The following PCDHGA5 variants were observed in gnomAD, a reference collection of about 807,000 sequenced individuals.
PCDHGA5 encodes protocadherin gamma-A5.
A neutral mutation model predicts 56.7 loss-of-function variants in PCDHGA5; 36 were observed. The ratio of observed to expected loss-of-function variants is 0.64; its 90% CI spans 0.49 to 0.84. PCDHGA5 has a LOEUF of 0.84. PCDHGA5 is among the 40% of genes least tolerant of loss of function. The pLI is 0.00. For missense variants in PCDHGA5, 1,305 were observed against 1,201.5 expected (o/e 1.09, Z -1.27); for synonymous variants, 563 against 520.2 (o/e 1.08, Z -1.12).
chr5:141,376,263 C>T (rs1348716434), intron 1 of PCDHGA5: 1 of 1,614,226 alleles, frequency 6.2e-7, no homozygotes, highest in South Asian at 1.1e-5. Flanking sequence ...CTGCTGCAGG[C>T]TTCGGGAGGT....
intron 1 of PCDHGA5, chr5:141,415,222 G>C (rs2095844564): frequency 1.2e-6 from 2 of 1,613,990 alleles, no homozygotes; most frequent in African/African-American, 2.7e-5. Context: ...CGGCAGCTTC[G>C]AGTCTCCAGC....
chr5:141,434,277 A>G (rs760937958), intron 1 of PCDHGA5, among the ~76,000 whole-genome samples: 4 of 152,172 alleles, frequency 2.6e-5, no homozygotes, highest in Non-Finnish European at 4.4e-5. Flanking sequence ...AATTAGAGGT[A>G]TTCTCTGTTT....
chr5:141,385,424 C>CT, intron 1 of PCDHGA5: 1 of 1,461,926 alleles, frequency 6.8e-7, no homozygotes, highest in Admixed American at 2.8e-5. Flanking sequence ...ATTTAAAAAA[C>CT]TTTATAGAGG....
intron 1 of PCDHGA5, among the ~76,000 whole-genome samples, chr5:141,437,421 T>G (rs971034611): frequency 1.2e-4 from 19 of 152,238 alleles, no homozygotes; most frequent in African/African-American, 4.6e-4. Flanking sequence ...TTATGCTTTT[T>G]GAAGCAGCAA....
intron 1 of PCDHGA5, chr5:141,410,439 G>A (rs775594110): frequency 3.1e-6 from 5 of 1,614,006 alleles, no homozygotes; most frequent in Admixed American, 3.3e-5. Context: ...TACAGTGAGG[G>A]GACTTTGCCT....
In PCDHGA5 at chr5:141,365,067, A is replaced by G; in HGVS notation, c.737A>G (p.Glu246Gly). ...AATGCGCCCCTGTTCACCCCATCCG[A>G]GTACAGCGTGAGTGTTCCAGAGAAC... The part of the protein sequence containing the change: ...NDNAPLFTPS[E>G]YSVSVPENIP... Residue 246 changes from glutamate (E) to glycine (G), a missense_variant, in exon 1 of 4, where the codon GAG becomes GGG. Transcript: ENST00000518069. The G allele has an allele frequency of 6.2e-7, 1 of 1,613,826 alleles. No homozygotes were observed. The highest frequency in any genetic ancestry group is 8.5e-7 in the Non-Finnish European group (1 of 1,179,876).
chr5:141,478,744 T>C, intron 1 of PCDHGA5: 1 of 1,528,172 alleles, frequency 6.5e-7, no homozygotes, highest in Non-Finnish European at 8.8e-7. Flanking sequence ...TGTGGTCCCA[T>C]TTCAGGGGGA....
At position 141,477,742 on chromosome 5, in the gene PCDHGA5, G is replaced by C; in HGVS notation, c.2422-17065G>C. 2 of 1,613,800 alleles carry C rather than the reference G, an allele frequency of 1.2e-6. No individual in the cohort carries two copies. Among genetic ancestry groups the C allele is most frequent in the Non-Finnish European group, 1.7e-6 (2 of 1,180,030 alleles). ...AATTAACAGCTCATATCAGCGATGG[G>C]GGCACCCCGGTCCTAGCCACCAACA... On this transcript the variant is annotated intron_variant, in intron 1 of 3. Coordinates refer to ENST00000518069, the MANE Select transcript of PCDHGA5 (RefSeq NM_018918.3). The surrounding 1 kb of genome is among the most constrained non-coding windows in gnomAD (Gnocchi z 4.9).
At chr5:141,395,807 A>G (rs1561656089) in intron 1 of PCDHGA5, 1 of 152,004 alleles carries the variant, frequency 6.6e-6, no homozygotes, top group Non-Finnish European at 1.5e-5. Context: ...ATCCTTCAAA[A>G]CATGAACAAA....
chr5:141,445,093 A>G (rs987863232), intron 1 of PCDHGA5, among the ~76,000 whole-genome samples: 2 of 152,168 alleles, frequency 1.3e-5, no homozygotes, highest in Non-Finnish European at 2.9e-5. Flanking sequence ...TACATATTTG[A>G]TGTTTTCTAA....
At chr5:141,389,631 G>A (rs1390648430) in intron 1 of PCDHGA5, 15 of 1,612,998 alleles carry the variant, frequency 9.3e-6, no homozygotes, top group African/African-American at 1.3e-5. Flanking sequence ...TGCAGAGCCT[G>A]GCTACTTGGT....
chr5:141,375,790 A>T, intron 1 of PCDHGA5: 1 of 1,614,216 alleles, frequency 6.2e-7, no homozygotes. Context: ...CCCTCCCCAC[A>T]GACGGTTCCA....
In PCDHGA5 at chr5:141,432,184, C is replaced by G; in HGVS notation, c.2422-62623C>G. 1 of 1,614,164 alleles carries G rather than the reference C, an allele frequency of 6.2e-7. No individual in the cohort carries two copies. The highest frequency in any genetic ancestry group is 2.2e-5 in the East Asian group (1 of 44,872). On this transcript the variant is annotated intron_variant, in intron 1 of 3. Coordinates refer to ENST00000518069, the MANE Select transcript of PCDHGA5 (RefSeq NM_018918.3). This position sits in a 1 kb window ranked among gnomAD's most constrained non-coding sequence, Gnocchi z 6.0. Reference sequence around the variant, plus strand: ...GAGGAGTTTCCCTCGTCTCTGTGACCGCCCACGACCCCGACTGTGAAGAGA... The same window carrying G: ...GAGGAGTTTCCCTCGTCTCTGTGACGGCCCACGACCCCGACTGTGAAGAGA...
Position 141,491,324 on chromosome 5 carries a change from T to C in PCDHGA5, c.2422-3483T>C, listed in dbSNP as rs762200164. 16 of 1,614,060 alleles carry C rather than the reference T, an allele frequency of 9.9e-6. No homozygotes were observed. The highest frequency in any genetic ancestry group is 8.3e-5 in the Admixed American group (5 of 60,010). On this transcript the variant is annotated intron_variant, in intron 1 of 3. Transcript: ENST00000518069. This position sits in a 1 kb window ranked among gnomAD's most constrained non-coding sequence, Gnocchi z 6.9. ...CGTTCAGACCTTACCCTTTACCTCA[T>C]TGTGGCTCTAGCGACCGTCAGTCTC...
At chr5:141,421,601 T>C (rs1309928984) in intron 1 of PCDHGA5, 19 of 1,613,652 alleles carry the variant, frequency 1.2e-5, no homozygotes, top group Non-Finnish European at 1.6e-5. Context: ...GTGGAAATAA[T>C]AGATATTAAT....
rs1588595185 is a variant in PCDHGA5 at position 141,364,344 on chromosome 5, C to G, written c.14C>G (p.Pro5Arg). 1 of 1,542,476 alleles carries G rather than the reference C, an allele frequency of 6.5e-7. No homozygotes were observed. The highest frequency in any genetic ancestry group is 8.7e-7 in the Non-Finnish European group (1 of 1,148,452). ...AGAGAGAAGGCAATGGCGAGTCCAC[C>G]TAGGGGCTGGGGCTGCGGAGAGCTG... MASP[P>R]RGWGCGELLL... Residue 5 changes from proline (P) to arginine (R), a missense_variant, in exon 1 of 4, where the codon CCT becomes CGT. Pro to Arg is a moderately radical substitution (Grantham distance 103). Transcript: ENST00000518069.
At chr5:141,380,044 T>G (rs2150154825) in intron 1 of PCDHGA5, among the ~76,000 whole-genome samples, 1 of 151,770 alleles carries the variant, frequency 6.6e-6, no homozygotes, top group African/African-American at 2.4e-5. Context: ...GGATTACAGG[T>G]GCATGCCACC....
rs756761584 is a variant in PCDHGA5 at position 141,476,545 on chromosome 5, G to A, written c.2422-18262G>A. 13 of 1,614,230 alleles carry A rather than the reference G, an allele frequency of 8.1e-6. No homozygotes were observed. The Admixed American group carries it at 2.2e-4, about 27-fold the overall frequency. On this transcript the variant is annotated intron_variant, in intron 1 of 3. Coordinates refer to ENST00000518069, the MANE Select transcript of PCDHGA5 (RefSeq NM_018918.3). This position sits in a 1 kb window ranked among gnomAD's most constrained non-coding sequence, Gnocchi z 7.6. ...TCCCTACCCAGGAAATGAAATTGGA[G>A]ATTAGCGAGGCCGTGGCTCCGGGGA...
intron 1 of PCDHGA5, among the ~76,000 whole-genome samples, chr5:141,436,010 A>G (rs1188507054): frequency 6.6e-6 from 1 of 152,168 alleles, no homozygotes; most frequent in Non-Finnish European, 1.5e-5. Context: ...AAGTATTTGA[A>G]TTTATCTAAA....
Sources: allele counts gnomAD v4.1 joint callset (sites outside exome capture counted in the v4.1 genomes callset), GRCh38; gene constraint gnomAD v4.1.1; non-coding constraint Gnocchi (gnomAD v3.1); transcripts MANE v1.5; gene names NCBI Gene and HGNC (gene_info 2026-07-23, HGNC 2026-07-21).